REC114: variants seen among roughly 807,000 people sequenced by gnomAD.
REC114 encodes the protein meiotic recombination protein REC114.
Under a neutral mutation model 31.3 loss-of-function variants are expected in REC114, and 27 were observed. The ratio of observed to expected loss-of-function variants is 0.86; its 90% CI spans 0.64 to 1.19. The LOEUF is 1.19. Among genes scored for constraint, REC114 ranks in the 50% most tolerant of loss-of-function variants. The pLI is 0.00. For synonymous variants in REC114, 134 were observed against 127.7 expected (o/e 1.05, Z -0.33); for missense variants, 344 against 326.9 (o/e 1.05, Z -0.40).
intron 2 of REC114, among the ~76,000 whole-genome samples, chr15:73,518,116 T>TAGATAG (rs1454652947): frequency 2.0e-5 from 3 of 152,232 alleles, no homozygotes; most frequent in Non-Finnish European, 4.4e-5. Context: ...GCATAGCAAT[T>TAGATAG]AGATAGGGAA....
intron 2 of REC114, among the ~76,000 whole-genome samples, chr15:73,523,932 AT>A (rs1172296208): frequency 1.3e-5 from 2 of 152,180 alleles, no homozygotes; most frequent in African/African-American, 2.4e-5. Context: ...TCCCAGCACC[AT>A]TTTTTGAAGA....
Position 73,469,810 on chromosome 15 carries a change from G to C in REC114, c.160-4022G>C, listed in dbSNP as rs544166367. 2.8e-3 allele frequency among the ~76,000 whole-genome samples: 412 copies of C among 149,626 alleles called. 3 individuals are homozygous for C. The highest frequency in any genetic ancestry group is 9.5e-3 in the African/African-American group (388 of 40,672). On this transcript the variant is annotated intron_variant, in intron 1 of 5. Coordinates refer to ENST00000331090, the MANE Select transcript of REC114 (RefSeq NM_001042367.2). ...CGCCATTCTCCTGCCTCAGCCTCCC[G>C]AGTAGCTGGGACTACAGGTGCCCGC... is the stretch of plus-strand genomic sequence containing the variant.
intron 1 of REC114, among the ~76,000 whole-genome samples, chr15:73,465,092 A>G (rs1460751127): frequency 2.0e-5 from 3 of 152,130 alleles, no homozygotes; most frequent in African/African-American, 7.2e-5. Flanking sequence ...GGGTTTTGCC[A>G]TCTTGGCCAG....
intron 2 of REC114, among the ~76,000 whole-genome samples, chr15:73,511,060 A>T (rs1249156608): frequency 6.6e-6 from 1 of 150,942 alleles, no homozygotes; most frequent in Non-Finnish European, 1.5e-5. Flanking sequence ...TCGGCTGTGA[A>T]TCCATCTGGT....
rs757717279 is a variant in REC114, at chr15:73,551,162, G to C, written c.546+12G>C. On this transcript the variant is annotated intron_variant, in intron 4 of 5. Coordinates refer to ENST00000331090, the MANE Select transcript of REC114 (RefSeq NM_001042367.2). ...CACGGCAGCCTGGAGTAAGTAGGCTGATGTGTTGGTTATACAGGAAACATG... is the reference window on the plus strand; with the variant it reads ...CACGGCAGCCTGGAGTAAGTAGGCTCATGTGTTGGTTATACAGGAAACATG... 8.2e-6 allele frequency: 13 copies of C among 1,585,574 alleles called. No homozygotes were observed. Among genetic ancestry groups the C allele is most frequent in the Non-Finnish European group, 1.1e-5 (13 of 1,165,816 alleles).
chr15:73,469,680 CTTTTT>C (rs767748185), intron 1 of REC114, among the ~76,000 whole-genome samples: 1 of 118,940 alleles, frequency 8.4e-6, no homozygotes. Flanking sequence ...GCCTTAGACT[CTTTTT>C]TTTTTTTTTT....
In REC114 at chr15:73,450,447, T is replaced by C. The variant is rs907808238; in HGVS notation, c.159+7103T>C. On this transcript the variant is annotated intron_variant, in intron 1 of 5. Coordinates refer to ENST00000331090, the MANE Select transcript of REC114 (RefSeq NM_001042367.2). Reference sequence around the variant, plus strand: ...CAAGAAGAGCTAACTATCCTAAATATATATGCACCCAATACAGGAGCACCC... The same window carrying C: ...CAAGAAGAGCTAACTATCCTAAATACATATGCACCCAATACAGGAGCACCC... Among the ~76,000 whole-genome samples the C allele has an allele frequency of 3.8e-4, 58 of 152,194 alleles. 3 individuals are homozygous for C. Among genetic ancestry groups the C allele is most frequent in the Admixed American group, 3.5e-3 (53 of 15,272 alleles).
rs752652740 is a variant in REC114, at chr15:73,556,293, T to G, written c.547-9T>G. 1.4e-5 allele frequency: 22 copies of G among 1,611,546 alleles called. No individual in the cohort carries two copies. Among genetic ancestry groups the G allele is most frequent in the Non-Finnish European group, 1.7e-5 (20 of 1,179,000 alleles). On this transcript the variant is annotated splice_polypyrimidine_tract_variant and intron_variant, in intron 4 of 5. Transcript: ENST00000331090. ...GCTAGTCTCCTTATTGCATGTTGTT[T>G]TATTCCAGTCCCACCAGCACTCAGA... is the stretch of plus-strand genomic sequence containing the variant.
At chr15:73,552,829 T>A (rs1036079716) in intron 4 of REC114, among the ~76,000 whole-genome samples, 4 of 152,212 alleles carry the variant, frequency 2.6e-5, no homozygotes, top group South Asian at 2.1e-4. Context: ...TTTCTTTTTT[T>A]TGAGACAGAG....
chr15:73,514,864 A>T (rs1893836132), intron 2 of REC114, among the ~76,000 whole-genome samples: 1 of 152,170 alleles, frequency 6.6e-6, no homozygotes, highest in South Asian at 2.1e-4. Flanking sequence ...CATAAGTTTA[A>T]GTACAGTGGC....
At chr15:73,541,280 A>C (rs1894234162) in intron 3 of REC114, among the ~76,000 whole-genome samples, 1 of 152,172 alleles carries the variant, frequency 6.6e-6, no homozygotes, top group African/African-American at 2.4e-5. Context: ...TTCCACTATG[A>C]ATGTAAGGCC....
chr15:73,444,299 G>A (rs535542119), intron 1 of REC114, among the ~76,000 whole-genome samples: 43 of 152,214 alleles, frequency 2.8e-4, no homozygotes, highest in African/African-American at 1.0e-3. Context: ...CTGTTTAATG[G>A]CATTTTTACC....
At chr15:73,528,137 A>G (rs372235899) in intron 2 of REC114, among the ~76,000 whole-genome samples, 1 of 152,226 alleles carries the variant, frequency 6.6e-6, no homozygotes, top group South Asian at 2.1e-4. Context: ...TGACAAATAC[A>G]AGAAATGAGG....
At chr15:73,546,547 T>C (rs955276674) in intron 3 of REC114, among the ~76,000 whole-genome samples, 1 of 151,746 alleles carries the variant, frequency 6.6e-6, no homozygotes, top group Non-Finnish European at 1.5e-5. Flanking sequence ...TATTTGATGT[T>C]AAATTAAAAA....
intron 2 of REC114, among the ~76,000 whole-genome samples, chr15:73,524,961 C>T (rs1567889199): frequency 6.6e-6 from 1 of 152,084 alleles, no homozygotes; most frequent in East Asian, 1.9e-4. Context: ...AGCATTTCTT[C>T]GAAGAACTGC....
chr15:73,484,857 T>C (rs1055955381), intron 2 of REC114, among the ~76,000 whole-genome samples: 3 of 152,246 alleles, frequency 2.0e-5, no homozygotes, highest in Admixed American at 6.5e-5. Flanking sequence ...ATTTTGGTTT[T>C]AGTTTCCTTT....
intron 1 of REC114, among the ~76,000 whole-genome samples, chr15:73,455,758 C>A (rs1892906743): frequency 6.6e-6 from 1 of 152,120 alleles, no homozygotes; most frequent in South Asian, 2.1e-4. Flanking sequence ...CGCATGCACA[C>A]TGAAAACCCA....
At chr15:73,547,251 G>C (rs1247454937) in intron 3 of REC114, among the ~76,000 whole-genome samples, 1 of 152,088 alleles carries the variant, frequency 6.6e-6, no homozygotes, top group African/African-American at 2.4e-5. Context: ...GATTTGAATA[G>C]ACATTTCTCA....
At position 73,559,782 on chromosome 15, in the gene REC114, G is replaced by A; in HGVS notation, c.667G>A (p.Val223Ile). The change falls in exon 6 of 6, where the codon GTC becomes ATC. Residue 223 changes from valine to isoleucine, a missense_variant. Val to Ile is a conservative substitution (Grantham distance 29). Transcript: ENST00000331090. ...TLLASEELPH[V>I]YEQSAWGAEE... is the part of the protein sequence containing the mutation. ...TCTGGCATCGGAGGAGCTGCCCCAT[G>A]TCTATGAACAATCTGCATGGGGTGC... 1 of 1,605,152 alleles carries A rather than the reference G, an allele frequency of 6.2e-7. No individual in the cohort carries two copies. The highest frequency in any genetic ancestry group is 2.2e-5 in the East Asian group (1 of 44,544).
Sources: gnomAD v4.1 joint callset for allele counts (sites outside exome capture counted in the v4.1 genomes callset) on GRCh38, gnomAD v4.1.1 for gene constraint, MANE v1.5 for transcripts, NCBI Gene and HGNC (gene_info 2026-07-23, HGNC 2026-07-21) for gene names.